ABCB7: variants seen among roughly 807,000 people sequenced by gnomAD.
ABCB7 encodes the protein ATP binding cassette subfamily B member 7, also known as iron-sulfur clusters transporter ABCB7, mitochondrial.
Under a neutral mutation model 54.4 loss-of-function variants are expected in ABCB7, and 7 were observed. That is an observed-to-expected ratio of 0.13 (90% confidence interval 0.07 to 0.24). The LOEUF (loss-of-function observed/expected upper bound fraction) is 0.24. Ranked by LOEUF, ABCB7 falls within the 10% of genes least tolerant of loss-of-function variation. ABCB7 has a pLI of 1.00. For synonymous variants in ABCB7, 218 were observed against 207.1 expected (o/e 1.05, Z -0.45); for missense variants, 356 against 570.4 (o/e 0.62, Z 3.83).
intron 3 of ABCB7, 60 bp downstream of exon 3, chrX:75,112,826 T>C: frequency 1.1e-6 from 1 of 911,456 alleles, no homozygotes; most frequent in Non-Finnish European, 1.6e-6. Context: ...CTTAAATACA[T>C]ATATCTTCTG....
At chrX:75,102,926 C>T (rs1018892373) in intron 3 of ABCB7, among the ~76,000 whole-genome samples, 1 of 111,858 alleles carries the variant, frequency 8.9e-6, no homozygotes, top group Non-Finnish European at 1.9e-5. Context: ...CATTTTTCCA[C>T]ATACTTGTTG....
intron 12 of ABCB7, among the ~76,000 whole-genome samples, chrX:75,066,602 C>T (rs1244657837): frequency 2.7e-5 from 3 of 110,699 alleles, no homozygotes; most frequent in Non-Finnish European, 3.8e-5. Context: ...ATTTGCTTCT[C>T]TACAGTAATA....
chrX:75,127,230 C>T (rs1016995978), intron 1 of ABCB7, among the ~76,000 whole-genome samples: 4 of 111,446 alleles, frequency 3.6e-5, no homozygotes, highest in African/African-American at 1.3e-4. Flanking sequence ...TGGCTTCACC[C>T]CTGGGATGCA....
chrX:75,140,948 A>C (rs2082049090), intron 1 of ABCB7, among the ~76,000 whole-genome samples: 1 of 111,996 alleles, frequency 8.9e-6, no homozygotes, highest in African/African-American at 3.2e-5. Flanking sequence ...AATGAAGTAG[A>C]AGTTCTATCA....
chrX:75,054,176 G>A (rs960636716), intron 15 of ABCB7, among the ~76,000 whole-genome samples: 1 of 112,038 alleles, frequency 8.9e-6, no homozygotes, highest in Non-Finnish European at 1.9e-5. Flanking sequence ...GATAGCTACG[G>A]TTAACCATGC....
intron 1 of ABCB7, among the ~76,000 whole-genome samples, chrX:75,143,712 A>T (rs1243828793): frequency 1.8e-5 from 2 of 111,348 alleles, no homozygotes; most frequent in African/African-American, 6.5e-5. Context: ...CACGTCTCAC[A>T]TTGATGATGG....
intron 15 of ABCB7, among the ~76,000 whole-genome samples, chrX:75,055,881 C>CTTGCTA (rs763566819): frequency 1.8e-5 from 2 of 109,384 alleles, no homozygotes; most frequent in East Asian, 5.8e-4. Flanking sequence ...GAGATAGACT[C>CTTGCTA]TTGCTATGTT....
intron 4 of ABCB7, among the ~76,000 whole-genome samples, chrX:75,089,508 T>A (rs755671930): frequency 9.0e-6 from 1 of 110,838 alleles, no homozygotes; most frequent in African/African-American, 3.3e-5. Context: ...TATAAATGTA[T>A]AATGCAAACT....
intron 5 of ABCB7, among the ~76,000 whole-genome samples, chrX:75,076,290 T>C (rs2081408404): frequency 8.9e-6 from 1 of 112,766 alleles, no homozygotes; most frequent in South Asian, 3.6e-4. Flanking sequence ...TAATGTCTTA[T>C]TTTATATTAT....
At chrX:75,137,749 T>C (rs945525893) in intron 1 of ABCB7, among the ~76,000 whole-genome samples, 2 of 111,953 alleles carry the variant, frequency 1.8e-5, no homozygotes, top group Non-Finnish European at 3.8e-5. Flanking sequence ...TGGAGGCCAT[T>C]ATCCTAAGCT....
At chrX:75,108,958 A>G (rs2081731700) in intron 3 of ABCB7, among the ~76,000 whole-genome samples, 1 of 112,249 alleles carries the variant, frequency 8.9e-6, no homozygotes, top group African/African-American at 3.2e-5. Context: ...GTATTAACAT[A>G]CAGCTTCATA....
In ABCB7 at chrX:75,069,340, C is replaced by G. The variant is rs863223868; in HGVS notation, c.1480G>C (p.Glu494Gln). 3 of 1,209,290 alleles carry G rather than the reference C, an allele frequency of 2.5e-6. No homozygotes were observed. Among genetic ancestry groups the G allele is most frequent in the Non-Finnish European group, 2.2e-6 (2 of 895,056 alleles). The change falls in exon 11 of 16, where the codon GAA becomes CAA. Residue 494 changes from glutamate to glutamine, a missense_variant. Around this residue, in one of 2 missense-constraint regions of ABCB7, gnomAD observed 241 missense variants for 470.9 expected, o/e 0.51. Transcript: ENST00000373394. Reference protein sequence around the residue: ...GQKVLSGISFEVPAGKKVAIV... With the variant: ...GQKVLSGISFQVPAGKKVAIV... ...GCCACTTTCTTTCCTGCAGGGACTTCAAAGGATATTCCACTAAGGACTTTC... is the reference window on the plus strand; with the variant it reads ...GCCACTTTCTTTCCTGCAGGGACTTGAAAGGATATTCCACTAAGGACTTTC...
In ABCB7 at chrX:75,051,789, T is replaced by C. The variant is rs959876133; in HGVS notation, c.*1581A>G. On this transcript the variant is annotated 3_prime_UTR_variant, in exon 16 of 16. Transcript: ENST00000373394. ...TGTAATACTCTATTTACCTAAATGTTAATATTTTTTAAATGGACACTGATT... is the reference window on the plus strand; with the variant it reads ...TGTAATACTCTATTTACCTAAATGTCAATATTTTTTAAATGGACACTGATT... 12 of 112,673 alleles carry C rather than the reference T, an allele frequency of 1.1e-4. No homozygotes were observed. Among genetic ancestry groups the C allele is most frequent in the Non-Finnish European group, 1.9e-4 (10 of 53,304 alleles). The allele number at this position is 112,673 out of a possible 1,213,427, so 9.3% of individuals were successfully genotyped here.
At chrX:75,119,948 C>T (rs1012696105) in intron 1 of ABCB7, among the ~76,000 whole-genome samples, 1 of 111,610 alleles carries the variant, frequency 9.0e-6, no homozygotes, top group African/African-American at 3.3e-5. Flanking sequence ...TTCTTAAATG[C>T]AGGTGTCTGA....
chrX:75,131,891 A>G (rs919772369), intron 1 of ABCB7, among the ~76,000 whole-genome samples: 12 of 111,318 alleles, frequency 1.1e-4, no homozygotes, highest in Non-Finnish European at 2.3e-4. Context: ...TTCTGCCATT[A>G]CAGCTACAGT....
At chrX:75,110,919 A>G (rs1019834527) in intron 3 of ABCB7, among the ~76,000 whole-genome samples, 1 of 112,101 alleles carries the variant, frequency 8.9e-6, no homozygotes, top group African/African-American at 3.2e-5. Flanking sequence ...AGCATTATTA[A>G]TACTGATTGT....
intron 6 of ABCB7, among the ~76,000 whole-genome samples, chrX:75,074,760 T>C (rs768962806): frequency 9.0e-6 from 1 of 111,452 alleles, no homozygotes; most frequent in Non-Finnish European, 1.9e-5. Flanking sequence ...AAATACCACA[T>C]GTTCTCACTT....
At chrX:75,088,537 C>G (rs1602358645) in intron 4 of ABCB7, among the ~76,000 whole-genome samples, 2 of 111,582 alleles carry the variant, frequency 1.8e-5, no homozygotes, top group African/African-American at 6.5e-5. Context: ...ATAGGCTCAT[C>G]AGTAGACAGG....
chrX:75,145,822 C>T (rs181193830), intron 1 of ABCB7, among the ~76,000 whole-genome samples: 345 of 111,269 alleles, frequency 3.1e-3, no homozygotes, highest in Admixed American at 6.4e-3. Flanking sequence ...TGGCATGATC[C>T]TGTATCTAGA....
Sources: allele counts gnomAD v4.1 joint callset (sites outside exome capture counted in the v4.1 genomes callset), GRCh38; gene constraint gnomAD v4.1.1; regional missense constraint gnomAD v4.1.1; transcripts MANE v1.5; gene names NCBI Gene and HGNC (gene_info 2026-07-23, HGNC 2026-07-21).